The following ACOT7 variants were observed in gnomAD, a reference collection of about 807,000 sequenced individuals.
ACOT7 encodes the protein acyl-CoA thioesterase 7.
A neutral mutation model predicts 40.2 loss-of-function variants in ACOT7; 12 were observed. That is an observed-to-expected ratio of 0.30 (90% CI 0.19 to 0.48). The LOEUF (loss-of-function observed/expected upper bound fraction) is 0.48. Ranked by LOEUF, ACOT7 falls within the 20% of genes least tolerant of loss-of-function variation. The pLI, the probability that ACOT7 is intolerant of heterozygous loss-of-function variation, is 0.99. For synonymous variants in ACOT7, 228 were observed against 219.5 expected (o/e 1.04, Z -0.34); for missense variants, 395 against 530.8 (o/e 0.74, Z 2.51).
chr1:6,388,214 C>T (rs1202606784), intron 1 of ACOT7, among the ~76,000 whole-genome samples: 2 of 151,886 alleles, frequency 1.3e-5, no homozygotes, highest in African/African-American at 4.8e-5. Flanking sequence ...GTTCATGCCA[C>T]TCTCCTGCCT....
rs1186109137 is a variant in ACOT7, at chr1:6,323,734, AAAAATATATATAT to A, written c.625+3552_625+3564del. On this transcript the variant is annotated intron_variant, in intron 5 of 8. Coordinates refer to ENST00000361521, the MANE Select transcript of ACOT7 (RefSeq NM_007274.4). ...CTTGTCTCAAAAAAAAAAAAAAAAA[AAAAATATATATAT>A]ATATATATATATATATATATATAGA... Among the ~76,000 whole-genome samples, 495 of 81,494 alleles carry A rather than the reference AAAAATATATATAT, an allele frequency of 6.1e-3. 3 individuals are homozygous for A. The highest frequency in any genetic ancestry group is 0.03 in the African/African-American group (460 of 15,558). The allele number at this position is 81,494 out of a possible 152,430, so 53.5% of individuals were successfully genotyped here.
At chr1:6,381,952 G>C (rs900499946) in intron 1 of ACOT7, among the ~76,000 whole-genome samples, 1 of 149,450 alleles carries the variant, frequency 6.7e-6, no homozygotes, top group Non-Finnish European at 1.5e-5. Flanking sequence ...GGCTAACACG[G>C]TGAAACCCCA....
At chr1:6,320,737 C>T (rs1040222025) in intron 5 of ACOT7, among the ~76,000 whole-genome samples, 2 of 152,148 alleles carry the variant, frequency 1.3e-5, no homozygotes, top group Non-Finnish European at 2.9e-5. Context: ...CTGGTTCTAC[C>T]CCTCCAGTCA....
intron 1 of ACOT7, among the ~76,000 whole-genome samples, chr1:6,392,321 C>G (rs955669440): frequency 2.0e-5 from 3 of 152,202 alleles, no homozygotes; most frequent in Non-Finnish European, 4.4e-5. Context: ...TAGGACCGGT[C>G]GCAGGCCACA....
intron 5 of ACOT7, among the ~76,000 whole-genome samples, chr1:6,322,922 G>A (rs1323072059): frequency 3.3e-5 from 5 of 152,116 alleles, no homozygotes; most frequent in African/African-American, 9.7e-5. Context: ...CCTGAGGTCA[G>A]GAGTTCGAGA....
At chr1:6,328,953 G>A (rs1364745053) in intron 4 of ACOT7, among the ~76,000 whole-genome samples, 1 of 152,202 alleles carries the variant, frequency 6.6e-6, no homozygotes, top group Non-Finnish European at 1.5e-5. Context: ...CCTGGCCAGG[G>A]GCCGACTACC....
chr1:6,323,590 T>G (rs886715373), intron 5 of ACOT7, among the ~76,000 whole-genome samples: 3 of 151,480 alleles, frequency 2.0e-5, no homozygotes, highest in Non-Finnish European at 4.4e-5. Flanking sequence ...TGGTGGCACA[T>G]GCCTGTAATC....
Position 6,269,254 on chromosome 1 carries a change from GTGGGAC to G in ACOT7, c.1015-4565_1015-4560del, listed in dbSNP as rs1013185376. Among the ~76,000 whole-genome samples, 9 of 152,322 alleles carry G rather than the reference GTGGGAC, an allele frequency of 5.9e-5. No individual in the cohort carries two copies. In the South Asian group the frequency reaches 1.0e-3, roughly 18 times the overall value. ...GTCCTATGCCGAGGGACTTTTAGGG[GTGGGAC>G]TCGTCCATGGGAAGTGAGGAAGGCG... On this transcript the variant is annotated intron_variant, in intron 8 of 8. Coordinates refer to ENST00000361521, the MANE Select transcript of ACOT7 (RefSeq NM_007274.4).
intron 7 of ACOT7, among the ~76,000 whole-genome samples, chr1:6,292,887 T>C (rs531665677): frequency 4.4e-4 from 66 of 148,656 alleles, no homozygotes; most frequent in Admixed American, 1.1e-3. Context: ...CTATTTCTTT[T>C]TCTTTTTTTT....
intron 1 of ACOT7, among the ~76,000 whole-genome samples, chr1:6,376,376 T>A (rs1642232387): frequency 6.6e-6 from 1 of 151,816 alleles, no homozygotes; most frequent in African/African-American, 2.4e-5. Context: ...GAAGCTACAG[T>A]GAGCCGTGAT....
At chr1:6,273,730 A>C (rs1209544680) in intron 8 of ACOT7, among the ~76,000 whole-genome samples, 1 of 152,290 alleles carries the variant, frequency 6.6e-6, no homozygotes, top group African/African-American at 2.4e-5. Context: ...AGCCAGTGTA[A>C]GAGCCCGCAC....
In ACOT7 at chr1:6,295,000, C is replaced by G; in HGVS notation, c.713-20G>C. On this transcript the variant is annotated intron_variant, in intron 6 of 8. Transcript: ENST00000361521. The surrounding 1 kb of genome is among the most constrained non-coding windows in gnomAD (Gnocchi z 4.6). Reference sequence around the variant, plus strand: ...TCACACCTGCGGAGAAAGGGACATGCGGCAGATGAGACACGGAGGCAGAGG... The same window carrying G: ...TCACACCTGCGGAGAAAGGGACATGGGGCAGATGAGACACGGAGGCAGAGG... The G allele has an allele frequency of 6.3e-7, 1 of 1,574,898 alleles. No individual in the cohort carries two copies. The highest frequency in any genetic ancestry group is 8.7e-7 in the Non-Finnish European group (1 of 1,145,248).
chr1:6,282,650 G>T lies in ACOT7; in HGVS notation c.830-1364C>A, dbSNP rs1337868907. Reference sequence around the variant, plus strand: ...GTGGCTGTTGGAGGGCGGTTAGCAGGCCAGAGGCAAGAGCGGTTATTCCAT... The same window carrying T: ...GTGGCTGTTGGAGGGCGGTTAGCAGTCCAGAGGCAAGAGCGGTTATTCCAT... On this transcript the variant is annotated intron_variant, in intron 7 of 8. Transcript: ENST00000361521. This position sits in a 1 kb window ranked among gnomAD's most constrained non-coding sequence, Gnocchi z 4.5. 3 of 1,210,228 alleles carry T rather than the reference G, an allele frequency of 2.5e-6. No homozygotes were observed. The highest frequency in any genetic ancestry group is 3.1e-5 in the African/African-American group (2 of 63,906). 75.0% of individuals were successfully genotyped at this position (1,210,228 alleles called of 1,614,324 possible). A position where few individuals can be genotyped will look rare whatever the true frequency, so the allele number is the denominator to read the frequency against.
chr1:6,268,020 T>A (rs1399152175), intron 8 of ACOT7, among the ~76,000 whole-genome samples: 1 of 152,246 alleles, frequency 6.6e-6, no homozygotes, highest in Non-Finnish European at 1.5e-5. Context: ...ATCACCCATT[T>A]ACACGAGATG....
chr1:6,310,313 C>A lies in ACOT7; in HGVS notation c.712+8179G>T, dbSNP rs531819973. ...GGTGAAAGAGGAGGAGGCAGAGCCT[C>A]CAGAGAGCCCCAGGGTCCTCCCCCT... is the stretch of plus-strand genomic sequence containing the variant. On this transcript the variant is annotated intron_variant, in intron 6 of 8. Transcript: ENST00000361521. Among the ~76,000 whole-genome samples, 4 of 152,334 alleles carry A rather than the reference C, an allele frequency of 2.6e-5. No homozygotes were observed. In the East Asian group the frequency reaches 7.7e-4, roughly 29 times the overall value.
intron 6 of ACOT7, among the ~76,000 whole-genome samples, chr1:6,300,034 G>A (rs1193089730): frequency 6.6e-6 from 1 of 152,208 alleles, no homozygotes; most frequent in Non-Finnish European, 1.5e-5. Context: ...CAGGAATGAC[G>A]ATGAGCCAGC....
rs572354164 is a variant in ACOT7, at chr1:6,310,262, C to G, written c.712+8230G>C. On this transcript the variant is annotated intron_variant, in intron 6 of 8. Coordinates refer to ENST00000361521, the MANE Select transcript of ACOT7 (RefSeq NM_007274.4). ...GTGGGAAGAGGGTGAGGGCAGACCT[C>G]AGGGGCACACCCACACTCAGGGGCA... is the stretch of plus-strand genomic sequence containing the variant. 2.0e-5 allele frequency among the ~76,000 whole-genome samples: 3 copies of G among 152,328 alleles called. No individual in the cohort carries two copies. The East Asian group carries it at 5.8e-4, about 29-fold the overall frequency.
At chr1:6,339,617 C>T (rs763736629) in intron 2 of ACOT7, 28 bp from the exon 3 acceptor site, 1 of 1,604,124 alleles carries the variant, frequency 6.2e-7, no homozygotes, top group Admixed American at 1.7e-5. Flanking sequence ...GTTGTCAGCC[C>T]AGGTCAGCCA....
intron 1 of ACOT7, among the ~76,000 whole-genome samples, chr1:6,362,590 C>G (rs1040393052): frequency 4.6e-5 from 7 of 152,054 alleles, no homozygotes; most frequent in Non-Finnish European, 8.8e-5. Flanking sequence ...AGAGGGCACT[C>G]GGAAGAGAGA....
Sources: gnomAD v4.1 joint callset for allele counts (sites outside exome capture counted in the v4.1 genomes callset) on GRCh38, gnomAD v4.1.1 for gene constraint, Gnocchi (gnomAD v3.1) non-coding constraint, MANE v1.5 for transcripts, NCBI Gene and HGNC (gene_info 2026-07-23, HGNC 2026-07-21) for gene names.